Variants in PTOV1 observed in about 807,000 individuals in gnomAD.
PTOV1 encodes PTOV1 extended AT-hook containing adaptor protein, also known as prostate tumor-overexpressed gene 1 protein.
PTOV1 carries 20 observed loss-of-function variants against 58.0 expected under a neutral mutation model. That is an observed-to-expected ratio of 0.34 (90% confidence interval 0.24 to 0.50). The LOEUF (loss-of-function observed/expected upper bound fraction) is 0.50. PTOV1 is among the 20% of genes least tolerant of loss of function. PTOV1 has a pLI of 0.98. For missense variants in PTOV1, 593 were observed against 565.4 expected (o/e 1.05, Z -0.50); for synonymous variants, 335 against 234.2 (o/e 1.43, Z -3.93).
chr19:49,851,460 G>A (rs1182349123), exon 1 of PTOV1: 6 of 1,219,938 alleles, frequency 4.9e-6, no homozygotes, highest in Non-Finnish European at 5.1e-6. Flanking sequence ...CCCGAGGCCC[G>A]CAGCCTCCGC....
chr19:49,850,901 G>A (rs753530139), upstream of PTOV1: 1 of 1,535,778 alleles, frequency 6.5e-7, no homozygotes, highest in Non-Finnish European at 8.7e-7. Flanking sequence ...CCGCCGTCCC[G>A]ACCCCCGCAA....
chr19:49,856,804 G>A, intron 5 of PTOV1, 171 bp from the exon 6 acceptor site: 1 of 740,748 alleles, frequency 1.3e-6, no homozygotes, highest in Non-Finnish European at 2.1e-6. Context: ...GATGCCGATG[G>A]GCGCTGCACG....
At chr19:49,858,151 A>T in intron 9 of PTOV1, 37 bp downstream of exon 9, 1 of 1,606,086 alleles carries the variant, frequency 6.2e-7, no homozygotes, top group Non-Finnish European at 8.5e-7. Context: ...GCCTGCACGC[A>T]GTAGCTCTTC....
chr19:49,857,210 G>T, intron 6 of PTOV1, 80 bp downstream of exon 6: 2 of 1,551,418 alleles, frequency 1.3e-6, no homozygotes, highest in Admixed American at 1.7e-5. Flanking sequence ...CAGACTTGGT[G>T]TGGGCGGAGT....
At chr19:49,858,191 T>C in intron 9 of PTOV1, 77 bp downstream of exon 9, 1 of 1,528,824 alleles carries the variant, frequency 6.5e-7, no homozygotes, top group Non-Finnish European at 8.8e-7. Context: ...CAAGAGCGCC[T>C]CCCCAGGTGG....
At chr19:49,858,766 G>A in intron 10 of PTOV1, 113 bp downstream of exon 10, 1 of 911,602 alleles carries the variant, frequency 1.1e-6, no homozygotes, top group African/African-American at 1.6e-5. Context: ...AGACCAGCTG[G>A]GGAGAGAGGG....
At position 49,852,064 on chromosome 19, in the gene PTOV1, G is replaced by T. The variant is rs111296914; in HGVS notation, c.171+565G>T. 40 of 985,464 alleles carry T rather than the reference G, an allele frequency of 4.1e-5. No individual in the cohort carries two copies. The African/African-American group carries it at 5.8e-4, about 14-fold the overall frequency. 61.0% of individuals were successfully genotyped at this position (985,464 alleles called of 1,614,324 possible). On this transcript the variant is annotated intron_variant, in intron 1 of 11. Coordinates refer to ENST00000391842, the Ensembl canonical transcript of PTOV1. ...ACCTTAAACGTAAACATTCAGCTTC[G>T]CAGGTACTTTGGGCTGCACACGCTT...
chr19:49,860,288 C>T (rs2074695433), exon 12 of PTOV1: 2 of 1,612,890 alleles, frequency 1.2e-6, no homozygotes, highest in Non-Finnish European at 8.5e-7. Flanking sequence ...AGTGGTTACC[C>T]CGGGCTGGGC....
At chr19:49,854,999 C>G (rs760339660) in exon 5 of PTOV1, 2 of 1,600,014 alleles carry the variant, frequency 1.2e-6, no homozygotes, top group Non-Finnish European at 8.5e-7. Context: ...TCCGGAACTC[C>G]CAGTTGGCAC....
chr19:49,856,839 G>A, intron 5 of PTOV1, 136 bp from the exon 6 acceptor site: 1 of 1,052,828 alleles, frequency 9.5e-7, no homozygotes, highest in Non-Finnish European at 1.4e-6. Flanking sequence ...CCTCACCTAT[G>A]GCCATGGCCT....
upstream of PTOV1, chr19:49,851,100 C>T (rs1371005623): frequency 1.4e-6 from 2 of 1,404,736 alleles, no homozygotes; most frequent in East Asian, 5.7e-5. Flanking sequence ...CGCCTTGGTA[C>T]GCTCCGGCCA....
chr19:49,858,017 A>C, intron 8 of PTOV1, 40 bp downstream of exon 8: 1 of 1,613,274 alleles, frequency 6.2e-7, no homozygotes, highest in South Asian at 1.1e-5. Context: ...CATCCAGGGG[A>C]GCTGGGGCTT....
At chr19:49,857,362 A>G in intron 6 of PTOV1, 1 of 642,596 alleles carries the variant, frequency 1.6e-6, no homozygotes, top group South Asian at 1.9e-5. Flanking sequence ...CAGGGAAGCC[A>G]GCGGAGCGGG....
At position 49,857,685 on chromosome 19, in the gene PTOV1, T is replaced by C. The variant is rs911361817; in HGVS notation, c.715-8T>C. 1.9e-6 allele frequency: 3 copies of C among 1,613,436 alleles called. No homozygotes were observed. Among genetic ancestry groups the C allele is most frequent in the South Asian group, 2.2e-5 (2 of 90,954 alleles). On this transcript the variant is annotated splice_region_variant and splice_polypyrimidine_tract_variant and intron_variant, in intron 6 of 11. Transcript: ENST00000391842. ...GGCCCCTCTTCCCACCCCGTTCCCTTCCAACAGGCAGTGGGACCTGGTGGT... is the reference window on the plus strand; with the variant it reads ...GGCCCCTCTTCCCACCCCGTTCCCTCCCAACAGGCAGTGGGACCTGGTGGT...
intron 5 of PTOV1, chr19:49,856,197 C>T (rs1192909331): frequency 2.0e-5 from 3 of 152,252 alleles, no homozygotes; most frequent in African/African-American, 7.2e-5. Context: ...ATATCTGGGC[C>T]CCGAGTACCC....
At chr19:49,859,748 C>T in intron 10 of PTOV1, 1 of 573,686 alleles carries the variant, frequency 1.7e-6, no homozygotes, top group East Asian at 2.9e-5. Flanking sequence ...TGCCCAGGAG[C>T]TCTGAAATGC....
intron 1 of PTOV1, 130 bp downstream of exon 1, chr19:49,851,629 C>T (rs2074251816): frequency 5.6e-6 from 6 of 1,077,744 alleles, no homozygotes; most frequent in Non-Finnish European, 5.8e-6. Context: ...GTGGTCCCGC[C>T]CGGGGCCGGG....
chr19:49,858,426 T>C, intron 9 of PTOV1, 123 bp from the exon 10 acceptor site: 2 of 780,876 alleles, frequency 2.6e-6, no homozygotes, highest in Non-Finnish European at 4.2e-6. Flanking sequence ...AGATGACGTT[T>C]CCTGAGGTAG....
At chr19:49,859,572 CAA>C (rs113785990) in intron 10 of PTOV1, among the ~76,000 whole-genome samples, 33 of 127,616 alleles carry the variant, frequency 2.6e-4, no homozygotes, top group Admixed American at 1.0e-3. Flanking sequence ...AACTCAGTCT[CAA>C]AAAAAAAAAA....
Sources: gnomAD v4.1 joint callset for allele counts (sites outside exome capture counted in the v4.1 genomes callset) on GRCh38, gnomAD v4.1.1 for gene constraint, MANE v1.5 for transcripts, NCBI Gene and HGNC (gene_info 2026-07-23, HGNC 2026-07-21) for gene names.